HGS: variants seen among roughly 807,000 people sequenced by gnomAD.
HGS encodes the protein human growth factor-regulated tyrosine kinase substrate.
In HGS, 63 loss-of-function variants were observed where a neutral mutation model predicts 109.7. The ratio of observed to expected loss-of-function variants is 0.57; its 90% CI spans 0.47 to 0.71. HGS has a LOEUF of 0.71. HGS is among the 30% of genes least tolerant of loss of function. The probability of loss-of-function intolerance (pLI) is 0.00; values close to 1 mark genes in which losing one functional copy is unlikely to be tolerated. For missense variants in HGS, 995 were observed against 1,068.3 expected (o/e 0.93, Z 0.96); for synonymous variants, 546 against 437.3 (o/e 1.25, Z -3.10).
chr17:81,694,555 G>A (rs1313268267), intron 11 of HGS, among the ~76,000 whole-genome samples: 1 of 152,224 alleles, frequency 6.6e-6, no homozygotes, highest in Non-Finnish European at 1.5e-5. Flanking sequence ...CCCCAGGGCT[G>A]GCCCAGTGCC....
chr17:81,701,119 C>T lies in HGS; in HGVS notation c.2211C>T (p.Pro737=), dbSNP rs141545013. 144 of 1,613,808 alleles carry T rather than the reference C, an allele frequency of 8.9e-5. 1 individual carries two copies. The Middle Eastern group carries it at 9.9e-4, about 11-fold the overall frequency. ...PQQPYIAGQQ[P]MYQQMAPSGG... ...AGCCCTACATCGCGGGGCAGCAGCC[C>T]ATGTACCAGCAGGTGAGCCATTCCC... is the stretch of plus-strand genomic sequence containing the variant. The change falls in exon 21 of 22, where the codon CCC becomes CCT. Residue 737 remains proline, a synonymous_variant. Coordinates refer to ENST00000329138, the MANE Select transcript of HGS (RefSeq NM_004712.5).
At chr17:81,690,358 A>G in intron 6 of HGS, 124 bp downstream of exon 6, 1 of 1,014,316 alleles carries the variant, frequency 9.9e-7, no homozygotes, top group Non-Finnish European at 1.5e-6. Flanking sequence ...GGACCTGAGG[A>G]TGCCTGTGTG....
Position 81,700,718 on chromosome 17 carries a change from G to C in HGS, c.2040G>C (p.Gln680His), listed in dbSNP as rs1327732809. ...AGAACGTGGCCTCCCAGGCCCCACA[G>C]AGCCTCCCGGCCATCTCTCAGCCTC... ...GYQNVASQAP[Q>H]SLPAISQPPQ... The change falls in exon 20 of 22, where the codon CAG (glutamine) becomes CAC (histidine). Residue 680 changes from glutamine to histidine, a missense_variant. By Grantham distance (24) the Gln-to-His change is conservative (BLOSUM62 0). Transcript: ENST00000329138. 7.5e-6 allele frequency: 12 copies of C among 1,601,308 alleles called. 1 individual carries two copies. In the Middle Eastern group the frequency reaches 8.7e-4, roughly 116 times the overall value.
At chr17:81,689,063 A>G (rs1298507236) in intron 5 of HGS, among the ~76,000 whole-genome samples, 2 of 152,242 alleles carry the variant, frequency 1.3e-5, no homozygotes, top group South Asian at 2.1e-4. Context: ...CAGACAACAC[A>G]CAGGTGAAAA....
chr17:81,685,479 C>G (rs1293581741), intron 1 of HGS, 126 bp from the exon 2 acceptor site: 1 of 606,152 alleles, frequency 1.6e-6, no homozygotes, highest in Non-Finnish European at 2.9e-6. Flanking sequence ...TTCTGTCATG[C>G]TTTTTCATTT....
intron 14 of HGS, 109 bp downstream of exon 14, chr17:81,695,332 A>C: frequency 8.2e-7 from 1 of 1,222,588 alleles, no homozygotes; most frequent in Non-Finnish European, 1.2e-6. Flanking sequence ...TGCTAGAGCA[A>C]GGGTGTCTGC....
intron 18 of HGS, 92 bp downstream of exon 18, chr17:81,697,090 G>GT: frequency 7.5e-7 from 1 of 1,329,948 alleles, no homozygotes; most frequent in Non-Finnish European, 1.0e-6. Flanking sequence ...GGTGCGAAGG[G>GT]TTTTCCCAGT....
Position 81,687,042 on chromosome 17 carries a change from C to T in HGS, c.238C>T (p.His80Tyr), listed in dbSNP as rs2036990092. 1.9e-6 allele frequency: 3 copies of T among 1,613,390 alleles called. No individual in the cohort carries two copies. The highest frequency in any genetic ancestry group is 1.3e-5 in the African/African-American group (1 of 75,034). Residue 80 changes from histidine (H) to tyrosine (Y), a missense_variant, in exon 4 of 22, where the codon CAT (histidine) becomes TAT (tyrosine). By Grantham distance (83) the His-to-Tyr change is moderately conservative (BLOSUM62 2). This residue lies in a region of HGS where 182 missense variants were observed against 261.3 expected (regional missense o/e 0.70). Coordinates refer to ENST00000329138, the MANE Select transcript of HGS (RefSeq NM_004712.5). ...GGTAAAGAACTGTGGCCAGACAGTT[C>T]ATGATGAGGTGGCCAACAAGCAGAC... ...SVVKNCGQTV[H>Y]DEVANKQTME... is the part of the protein sequence containing the mutation.
Position 81,695,974 on chromosome 17 carries a change from G to A in HGS, c.1368G>A (p.Leu456=). Reference sequence around the variant, plus strand: ...GCATGCACCCGCAGCTGCTGGAGCTGCTCAACCAGCTGGACGAGCGCAGGC... The same window carrying A: ...GCATGCACCCGCAGCTGCTGGAGCTACTCAACCAGCTGGACGAGCGCAGGC... ...INGMHPQLLE[L]LNQLDERRLY... The change falls in exon 15 of 22, where the codon CTG becomes CTA. Residue 456 remains leucine, a synonymous_variant. Coordinates refer to ENST00000329138, the MANE Select transcript of HGS (RefSeq NM_004712.5). 1 of 1,563,998 alleles carries A rather than the reference G, an allele frequency of 6.4e-7. No individual in the cohort carries two copies.
intron 21 of HGS, 98 bp from the exon 22 acceptor site, chr17:81,701,410 C>A: frequency 7.7e-7 from 1 of 1,294,220 alleles, no homozygotes; most frequent in Non-Finnish European, 1.1e-6. Flanking sequence ...ACATGGATTA[C>A]AAGCACTTGT....
In HGS at chr17:81,691,429, G is replaced by A. The variant is rs373803901; in HGVS notation, c.538-18G>A. 30 of 1,613,142 alleles carry A rather than the reference G, an allele frequency of 1.9e-5. No individual in the cohort carries two copies. In the Middle Eastern group the frequency reaches 4.9e-4, roughly 27 times the overall value. ...TCCCCCAGTGCCTGTGACCAGGCCC[G>A]CCCGCCCCATCTTACAGCACCACTG... On this transcript the variant is annotated intron_variant, in intron 7 of 21. Transcript: ENST00000329138. This position sits in a 1 kb window ranked among gnomAD's most constrained non-coding sequence, Gnocchi z 5.3.
Position 81,696,654 on chromosome 17 carries a change from G to A in HGS, c.1614G>A (p.Glu538=). 1 of 1,612,008 alleles carries A rather than the reference G, an allele frequency of 6.2e-7. No homozygotes were observed. The highest frequency in any genetic ancestry group is 8.5e-7 in the Non-Finnish European group (1 of 1,179,534). ...QRQLAIQRLQ[E]QEKERQMRLE... is the part of the protein sequence containing the mutation. ...AGCTGGCCATCCAGCGCCTGCAGGAGCAGGAGAAGGAGCGGCAGATGCGGC... is the reference window on the plus strand; with the variant it reads ...AGCTGGCCATCCAGCGCCTGCAGGAACAGGAGAAGGAGCGGCAGATGCGGC... The change falls in exon 17 of 22, where the codon GAG becomes GAA. Residue 538 remains glutamate, a synonymous_variant. Transcript: ENST00000329138.
chr17:81,701,736 G>T lies in HGS; in HGVS notation c.*118G>T. The T allele has an allele frequency of 4.3e-6, 6 of 1,403,462 alleles. No individual in the cohort carries two copies. The highest frequency in any genetic ancestry group is 5.7e-6 in the Non-Finnish European group (6 of 1,060,474). 86.9% of individuals were successfully genotyped at this position (1,403,462 alleles called of 1,614,324 possible). The stretch of plus-strand genomic sequence containing the variant: ...ACTGCCGGTAGTGTCCCTTCTCTGC[G>T]AGTGAGGGGGGGCCTTCACCCCAAG... On this transcript the variant is annotated 3_prime_UTR_variant, in exon 22 of 22. Coordinates refer to ENST00000329138, the MANE Select transcript of HGS (RefSeq NM_004712.5).
chr17:81,700,642 A>AG, intron 19 of HGS, 42 bp downstream of exon 19: 1 of 1,538,970 alleles, frequency 6.5e-7, no homozygotes, highest in Non-Finnish European at 8.8e-7. Context: ...GGCCAGCCCC[A>AG]GCCCCAGCCC....
intron 4 of HGS, 72 bp downstream of exon 4, chr17:81,687,167 C>T (rs1291668072): frequency 5.0e-6 from 5 of 1,007,034 alleles, no homozygotes; most frequent in East Asian, 2.5e-5. Context: ...TTACTGGGCA[C>T]TGATGACAGA....
At position 81,701,809 on chromosome 17, in the gene HGS, G is replaced by A. The variant is rs1015971539; in HGVS notation, c.*191G>A. 7.4e-6 allele frequency: 6 copies of A among 810,230 alleles called. No individual in the cohort carries two copies. Among genetic ancestry groups the A allele is most frequent in the Non-Finnish European group, 1.1e-5 (6 of 557,758 alleles). 50.2% of individuals were successfully genotyped at this position (810,230 alleles called of 1,614,324 possible). A position where few individuals can be genotyped will look rare whatever the true frequency, so the allele number is the denominator to read the frequency against. On this transcript the variant is annotated 3_prime_UTR_variant, in exon 22 of 22. Coordinates refer to ENST00000329138, the MANE Select transcript of HGS (RefSeq NM_004712.5). ...TACTGCAGTCCCTGAGTTAGTCTCT[G>A]CTTTCTTTCCCCAGGGCTGGGCCAT... is the stretch of plus-strand genomic sequence containing the variant.
At chr17:81,688,117 T>C (rs988496386) in intron 4 of HGS, among the ~76,000 whole-genome samples, 3 of 152,054 alleles carry the variant, frequency 2.0e-5, no homozygotes, top group Non-Finnish European at 4.4e-5. Flanking sequence ...GGAGCCTGCT[T>C]GCAGCAGCCT....
chr17:81,684,183 G>C, intron 1 of HGS, 80 bp downstream of exon 1: 1 of 1,255,806 alleles, frequency 8.0e-7, no homozygotes, highest in Non-Finnish European at 1.0e-6. Flanking sequence ...GGCCCCGAGG[G>C]CCCGAGGGGC....
Position 81,693,935 on chromosome 17 carries a change from C to T in HGS, c.906C>T (p.Pro302=), listed in dbSNP as rs375101267. 67 of 1,611,430 alleles carry T rather than the reference C, an allele frequency of 4.2e-5. No individual in the cohort carries two copies. The African/African-American group carries it at 8.4e-4, about 20-fold the overall frequency. Reference sequence around the variant, plus strand: ...CCATGCCCTCGGCCTCCTCAGCGCCCCCCGCCAGCAGCCTGTACTCTTCAC... The same window carrying T: ...CCATGCCCTCGGCCTCCTCAGCGCCTCCCGCCAGCAGCCTGTACTCTTCAC... ...AEPMPSASSA[P]PASSLYSSPV... Residue 302 remains proline (P), a synonymous_variant, in exon 11 of 22, where the codon CCC becomes CCT. Coordinates refer to ENST00000329138, the MANE Select transcript of HGS (RefSeq NM_004712.5).
Sources: allele counts gnomAD v4.1 joint callset (sites outside exome capture counted in the v4.1 genomes callset), GRCh38; gene constraint gnomAD v4.1.1; regional missense constraint gnomAD v4.1.1; non-coding constraint Gnocchi (gnomAD v3.1); transcripts MANE v1.5; gene names NCBI Gene and HGNC (gene_info 2026-07-23, HGNC 2026-07-21).